Variants in RBFOX1 observed in about 807,000 individuals in gnomAD.
RBFOX1 encodes the protein RNA binding protein fox-1 homolog 1.
Under a neutral mutation model 57.7 loss-of-function variants are expected in RBFOX1, and 8 were observed. That is an observed-to-expected ratio of 0.14 (90% confidence interval 0.08 to 0.25). The LOEUF is 0.25. Among genes scored for constraint, RBFOX1 ranks in the 10% least tolerant of loss-of-function variants. The pLI is 1.00. For missense variants in RBFOX1, 611 were observed against 548.5 expected (o/e 1.11, Z -1.14); for synonymous variants, 326 against 222.4 (o/e 1.47, Z -4.15).
chr16:7,455,314 G>A (rs9302850), intron 4 of RBFOX1, among the ~76,000 whole-genome samples: 142,380 of 152,238 alleles, frequency 0.94, 66,609 homozygotes, highest in East Asian at 1. Context: ...TCACGTTTCA[G>A]CAGCCTCATT....
At chr16:6,886,193 C>G (rs970037826) in intron 3 of RBFOX1, among the ~76,000 whole-genome samples, 1 of 151,816 alleles carries the variant, frequency 6.6e-6, no homozygotes, top group Admixed American at 6.6e-5. Flanking sequence ...TCCTGAGTAG[C>G]TGGGATTACA....
chr16:6,643,646 T>C lies in RBFOX1; in HGVS notation c.-63-10957T>C, dbSNP rs77681745. On this transcript the variant is annotated intron_variant, in intron 2 of 15. Transcript: ENST00000550418. Reference sequence around the variant, plus strand: ...ACAGTATATTGTGTAAGGGAGAGTATAAAATACATAGCTCGTAGACCAGAT... The same window carrying C: ...ACAGTATATTGTGTAAGGGAGAGTACAAAATACATAGCTCGTAGACCAGAT... Among the ~76,000 whole-genome samples the C allele has an allele frequency of 2.6e-3, 403 of 152,294 alleles. 12 individuals carry two copies. The East Asian group carries it at 0.051, about 19-fold the overall frequency.
intron 2 of RBFOX1, among the ~76,000 whole-genome samples, chr16:5,535,830 G>C (rs1034789442): frequency 1.3e-5 from 2 of 152,142 alleles, no homozygotes; most frequent in Non-Finnish European, 2.9e-5. Flanking sequence ...AAGACTTGTC[G>C]ACAGACATTT....
At chr16:7,026,837 C>T (rs2041108516) in intron 3 of RBFOX1, among the ~76,000 whole-genome samples, 1 of 152,222 alleles carries the variant, frequency 6.6e-6, no homozygotes, top group Non-Finnish European at 1.5e-5. Flanking sequence ...CTGATCTGGA[C>T]ATTCCAGTCG....
At chr16:6,961,360 T>A (rs529223944) in intron 3 of RBFOX1, among the ~76,000 whole-genome samples, 1 of 152,104 alleles carries the variant, frequency 6.6e-6, no homozygotes, top group African/African-American at 2.4e-5. Context: ...CAGACCGTGT[T>A]CAAACTGTAG....
intron 3 of RBFOX1, among the ~76,000 whole-genome samples, chr16:6,737,050 T>C (rs906728059): frequency 2.0e-5 from 3 of 152,314 alleles, no homozygotes; most frequent in Admixed American, 2.0e-4. Flanking sequence ...TCAGTGAACA[T>C]CTACCATGTG....
chr16:5,929,259 C>G (rs531085350), intron 4 of RBFOX1, among the ~76,000 whole-genome samples: 1 of 152,200 alleles, frequency 6.6e-6, no homozygotes, highest in Non-Finnish European at 1.5e-5. Context: ...GTTGAATGCA[C>G]AGGTCTCAGC....
intron 1 of RBFOX1, among the ~76,000 whole-genome samples, chr16:6,127,371 T>TA (rs143862405): frequency 2.0e-5 from 3 of 151,842 alleles, no homozygotes; most frequent in Non-Finnish European, 2.9e-5. Context: ...TATTTTTTTT[T>TA]AAAAATTGCT....
chr16:5,990,716 G>GC (rs145008585), intron 4 of RBFOX1, among the ~76,000 whole-genome samples: 16,109 of 152,206 alleles, frequency 0.11, 1,162 homozygotes, highest in East Asian at 0.36. Flanking sequence ...GCCTGTAATC[G>GC]CAACACTTCA....
intron 14 of RBFOX1, among the ~76,000 whole-genome samples, chr16:7,690,830 G>C (rs1272845949): frequency 6.6e-6 from 1 of 152,100 alleles, no homozygotes; most frequent in Non-Finnish European, 1.5e-5. Context: ...TGAAACAGCT[G>C]TACATAAAAT....
intron 4 of RBFOX1, among the ~76,000 whole-genome samples, chr16:7,378,926 C>T (rs535670127): frequency 1.3e-5 from 2 of 152,156 alleles, no homozygotes; most frequent in African/African-American, 4.8e-5. Context: ...CCAGAAGACA[C>T]AACAGGAGAG....
In RBFOX1 at chr16:6,715,562, C is replaced by G. The variant is rs144438736; in HGVS notation, c.-16+60912C>G. Among the ~76,000 whole-genome samples the G allele has an allele frequency of 1.9e-3, 282 of 152,228 alleles. 1 individual carries two copies. The highest frequency in any genetic ancestry group is 6.3e-3 in the African/African-American group (261 of 41,552). ...TATTGCCTCCATCGCTGAAAACTCC[C>G]GAAGAGTCTTAAGAGCTAAGAATCC... On this transcript the variant is annotated intron_variant, in intron 3 of 15. Coordinates refer to ENST00000550418, the MANE Select transcript of RBFOX1 (RefSeq NM_018723.4).
intron 3 of RBFOX1, among the ~76,000 whole-genome samples, chr16:6,900,128 T>A (rs1368021627): frequency 6.6e-6 from 1 of 151,336 alleles, no homozygotes; most frequent in Admixed American, 6.6e-5. Flanking sequence ...TGAGTTTTTC[T>A]TTAGTTATTG....
At chr16:5,717,841 G>A (rs574257020) in intron 3 of RBFOX1, among the ~76,000 whole-genome samples, 1 of 152,212 alleles carries the variant, frequency 6.6e-6, no homozygotes, top group East Asian at 1.9e-4. Flanking sequence ...ATGTCAGATA[G>A]ATAGGTATTT....
At chr16:7,090,982 A>T (rs17736900) in intron 4 of RBFOX1, among the ~76,000 whole-genome samples, 39,605 of 152,046 alleles carry the variant, frequency 0.26, 5,265 homozygotes, top group East Asian at 0.37. Flanking sequence ...TGTTTCTCCT[A>T]GGGCTGGAAA....
At chr16:5,707,910 G>A (rs147138797) in intron 3 of RBFOX1, among the ~76,000 whole-genome samples, 4 of 152,128 alleles carry the variant, frequency 2.6e-5, no homozygotes, top group Non-Finnish European at 5.9e-5. Flanking sequence ...AATACTATTT[G>A]TAACTTTGAG....
chr16:5,363,320 C>T (rs1277868315), intron 1 of RBFOX1, among the ~76,000 whole-genome samples: 1 of 151,944 alleles, frequency 6.6e-6, no homozygotes, highest in Non-Finnish European at 1.5e-5. Context: ...GGTGGGATTA[C>T]AGGCATAAGC....
At chr16:6,031,430 T>A (rs1194695244) in intron 1 of RBFOX1, among the ~76,000 whole-genome samples, 1 of 152,226 alleles carries the variant, frequency 6.6e-6, no homozygotes, top group Non-Finnish European at 1.5e-5. Flanking sequence ...GGGGAAGATC[T>A]TAACTAGTAC....
chr16:5,597,761 T>C (rs2151199655), intron 2 of RBFOX1, among the ~76,000 whole-genome samples: 1 of 152,282 alleles, frequency 6.6e-6, no homozygotes, highest in Non-Finnish European at 1.5e-5. Context: ...AACATGCTCC[T>C]GCGCTGTACC....
Sources: allele counts gnomAD v4.1 joint callset (sites outside exome capture counted in the v4.1 genomes callset), GRCh38; gene constraint gnomAD v4.1.1; transcripts MANE v1.5; gene names NCBI Gene and HGNC (gene_info 2026-07-23, HGNC 2026-07-21).